PTPRD: variants seen among roughly 807,000 people sequenced by gnomAD.
The protein encoded by PTPRD is receptor-type tyrosine-protein phosphatase delta.
PTPRD carries 34 observed loss-of-function variants against 214.5 expected under a neutral mutation model. That is an observed-to-expected ratio of 0.16 (90% CI 0.12 to 0.21). The LOEUF is 0.21. Ranked by LOEUF, PTPRD falls within the 10% of genes least tolerant of loss-of-function variation. The pLI is 1.00. For synonymous variants in PTPRD, 1,128 were observed against 845.7 expected, an observed-to-expected ratio of 1.33 and a Z score of -5.79; for missense variants, 2,545 against 2,398.7, an observed-to-expected ratio of 1.06 and a Z score of -1.27.
chr9:8,995,164 A>T (rs1457909631), intron 11 of PTPRD, among the ~76,000 whole-genome samples: 2 of 152,072 alleles, frequency 1.3e-5, no homozygotes, highest in Non-Finnish European at 2.9e-5. Flanking sequence ...AACTTAATAG[A>T]TATAACAACC....
At chr9:8,559,770 T>C (rs1332741261) in intron 14 of PTPRD, among the ~76,000 whole-genome samples, 2 of 152,192 alleles carry the variant, frequency 1.3e-5, no homozygotes, top group Admixed American at 6.5e-5. Flanking sequence ...AGTTTAGCTC[T>C]CACAGCTTTA....
At position 10,060,823 on chromosome 9, in the gene PTPRD, TCTTTCTTC is replaced by T. The variant is rs946251479; in HGVS notation, c.-544-27041_-544-27034del. 5.9e-5 allele frequency among the ~76,000 whole-genome samples: 7 copies of T among 118,142 alleles called. 2 individuals are homozygous for T. Among genetic ancestry groups the T allele is most frequent in the Admixed American group, 8.1e-5 (1 of 12,372 alleles). 77.5% of individuals were successfully genotyped at this position (118,142 alleles called of 152,430 possible). ...TTCTTCCTTTCTTTCTTTCTTTCTT[TCTTTCTTC>T]CTTCCTTCCTTCCTTTCCTTTCTTT... On this transcript the variant is annotated intron_variant, in intron 3 of 45. Coordinates refer to ENST00000381196, the MANE Select transcript of PTPRD (RefSeq NM_002839.4).
intron 26 of PTPRD, among the ~76,000 whole-genome samples, chr9:8,494,198 T>A (rs537828577): frequency 6.6e-6 from 1 of 152,308 alleles, no homozygotes; most frequent in East Asian, 1.9e-4. Context: ...AGGTTTTTTT[T>A]TAGCAAGGCT....
intron 8 of PTPRD, among the ~76,000 whole-genome samples, chr9:9,554,114 T>A (rs1352076456): frequency 6.6e-6 from 1 of 152,182 alleles, no homozygotes; most frequent in South Asian, 2.1e-4. Context: ...CAGTATTTCA[T>A]GGGATATGTG....
intron 14 of PTPRD, among the ~76,000 whole-genome samples, chr9:8,550,829 T>C (rs1343768866): frequency 6.6e-6 from 1 of 152,216 alleles, no homozygotes; most frequent in Non-Finnish European, 1.5e-5. Context: ...CTTTCTTTTG[T>C]ACAGGCCTGG....
chr9:9,954,061 C>T (rs113053278), intron 4 of PTPRD, among the ~76,000 whole-genome samples: 123 of 151,936 alleles, frequency 8.1e-4, no homozygotes, highest in Middle Eastern at 3.5e-3. Context: ...CTTTGGGAGG[C>T]GGAGGCAGGT....
chr9:10,338,345 G>T (rs919466717), intron 3 of PTPRD, among the ~76,000 whole-genome samples: 13 of 151,654 alleles, frequency 8.6e-5, no homozygotes, highest in South Asian at 8.3e-4. Context: ...GAAATTTAAT[G>T]CTCGATTTCT....
At chr9:9,956,861 T>A (rs1185608367) in intron 4 of PTPRD, among the ~76,000 whole-genome samples, 2 of 152,138 alleles carry the variant, frequency 1.3e-5, no homozygotes, top group East Asian at 3.8e-4. Context: ...ATAAAATGTA[T>A]GAATAAATTG....
intron 11 of PTPRD, among the ~76,000 whole-genome samples, chr9:8,803,970 A>G (rs2096622796): frequency 6.7e-6 from 1 of 150,218 alleles, no homozygotes; most frequent in African/African-American, 2.5e-5. Flanking sequence ...CCACCCCCCC[A>G]CAGACGGAGT....
In PTPRD at chr9:9,127,205, A is replaced by G. The variant is rs376923325; in HGVS notation, c.-143+56099T>C. 8.7e-4 allele frequency among the ~76,000 whole-genome samples: 133 copies of G among 152,330 alleles called. 1 individual carries two copies. Among genetic ancestry groups the G allele is most frequent in the African/African-American group, 3.2e-3 (131 of 41,580 alleles). On this transcript the variant is annotated intron_variant, in intron 10 of 45. Transcript: ENST00000381196. ...TTGGGATGTATGGGAAAACGAGAAT[A>G]CCTGGAAAAAATCCACACCAACATG...
intron 3 of PTPRD, among the ~76,000 whole-genome samples, chr9:10,299,385 A>G (rs2095793160): frequency 6.6e-6 from 1 of 152,146 alleles, no homozygotes; most frequent in South Asian, 2.1e-4. Flanking sequence ...AAGGCAAGGG[A>G]CTGAGATGTT....
chr9:8,598,603 G>A (rs1407852947), intron 14 of PTPRD, among the ~76,000 whole-genome samples: 1 of 152,124 alleles, frequency 6.6e-6, no homozygotes. Flanking sequence ...CTAGGAAAAT[G>A]GTCTTTCTAT....
intron 2 of PTPRD, among the ~76,000 whole-genome samples, chr9:10,524,292 C>G (rs10809111): frequency 0.23 from 34,601 of 151,840 alleles, 4,101 homozygotes; most frequent in Admixed American, 0.3. Context: ...ACATTTGTTC[C>G]GAGGCAGCGC....
chr9:8,760,063 T>C (rs2094311584), intron 11 of PTPRD, among the ~76,000 whole-genome samples: 1 of 152,184 alleles, frequency 6.6e-6, no homozygotes, highest in Admixed American at 6.5e-5. Flanking sequence ...CTAAGGTAGC[T>C]GGGATTACAG....
chr9:8,760,194 C>T lies in PTPRD; in HGVS notation c.-103-26248G>A, dbSNP rs140937621. Among the ~76,000 whole-genome samples, 313 of 152,282 alleles carry T rather than the reference C, an allele frequency of 2.1e-3. 1 individual carries two copies. The highest frequency in any genetic ancestry group is 6.9e-3 in the African/African-American group (287 of 41,568). ...GATCCACCCACTTCGGCCTCCACCG[C>T]GCCTGGCCAGCCTAACACCTTTTTA... On this transcript the variant is annotated intron_variant, in intron 11 of 45. Transcript: ENST00000381196.
At chr9:9,110,242 C>A (rs1591777463) in intron 10 of PTPRD, among the ~76,000 whole-genome samples, 1 of 152,074 alleles carries the variant, frequency 6.6e-6, no homozygotes, top group Non-Finnish European at 1.5e-5. Flanking sequence ...TGGTGACACC[C>A]AAATAAAAAC....
intron 3 of PTPRD, among the ~76,000 whole-genome samples, chr9:10,240,083 G>T (rs1036449479): frequency 6.6e-6 from 1 of 151,932 alleles, no homozygotes; most frequent in Non-Finnish European, 1.5e-5. Flanking sequence ...TTGCTGAGTT[G>T]TCCCACCCAA....
At chr9:10,567,671 C>T (rs1408888730) in intron 2 of PTPRD, among the ~76,000 whole-genome samples, 1 of 151,842 alleles carries the variant, frequency 6.6e-6, no homozygotes, top group Non-Finnish European at 1.5e-5. Context: ...TAAATACAAA[C>T]TTTTAAATAC....
intron 9 of PTPRD, among the ~76,000 whole-genome samples, chr9:9,313,886 T>C (rs763339352): frequency 1.2e-4 from 18 of 152,158 alleles, no homozygotes; most frequent in Non-Finnish European, 7.4e-5. Context: ...TTGATTTCTT[T>C]ACATATTCAG....
Sources: allele counts gnomAD v4.1 joint callset (sites outside exome capture counted in the v4.1 genomes callset), GRCh38; gene constraint gnomAD v4.1.1; transcripts MANE v1.5; gene names NCBI Gene and HGNC (gene_info 2026-07-23, HGNC 2026-07-21).